NAT10: variants seen among roughly 807,000 people sequenced by gnomAD.
The protein encoded by NAT10 is N-acetyltransferase 10.
A neutral mutation model predicts 132.2 loss-of-function variants in NAT10; 109 were observed. The observed-to-expected ratio is 0.82, with a 90% CI of 0.71 to 0.97. The LOEUF (loss-of-function observed/expected upper bound fraction) is 0.97, where lower values mean the gene tolerates loss of function less well. Among genes scored for constraint, NAT10 ranks in the 50% least tolerant of loss-of-function variants. The pLI is 0.00. For synonymous variants in NAT10, 479 were observed against 478.0 expected, an observed-to-expected ratio of 1.00 and a Z score of -0.03; for missense variants, 1,184 against 1,263.4, an observed-to-expected ratio of 0.94 and a Z score of 0.95.
chr11:34,135,108 G>A, intron 18 of NAT10, 67 bp from the exon 19 acceptor site: 1 of 1,260,094 alleles, frequency 7.9e-7, no homozygotes, highest in Non-Finnish European at 1.2e-6. Flanking sequence ...ATGCAGGGGA[G>A]TCACTGTGGC....
At chr11:34,132,087 C>G (rs778580478) in intron 14 of NAT10, 38 bp from the exon 15 acceptor site, 1 of 1,473,866 alleles carries the variant, frequency 6.8e-7, no homozygotes, top group South Asian at 1.1e-5. Context: ...CTGTCTTCGG[C>G]TATTTGTTTT....
At chr11:34,122,636 T>TGGGGGTAGTGTGCAGGGTTGGGGTCA (rs1851914919) in intron 9 of NAT10, 44 bp downstream of exon 9, 60 of 1,607,094 alleles carry the variant, frequency 3.7e-5, no homozygotes, top group Non-Finnish European at 4.8e-5. Flanking sequence ...CTGGGCTCTG[T>TGGGGGTAGTGTGCAGGGTTGGGGTCA]GGGGGTAGTG....
intron 5 of NAT10, among the ~76,000 whole-genome samples, chr11:34,114,701 T>A (rs1024376135): frequency 8.5e-5 from 13 of 152,332 alleles, no homozygotes; most frequent in African/African-American, 3.1e-4. Context: ...AAGCCCCTGC[T>A]CAGATATCAC....
At chr11:34,127,241 T>G (rs1852012020) in intron 11 of NAT10, among the ~76,000 whole-genome samples, 1 of 152,200 alleles carries the variant, frequency 6.6e-6, no homozygotes, top group Non-Finnish European at 1.5e-5. Flanking sequence ...AAGTGACTTG[T>G]CCAAGGTCAT....
intron 27 of NAT10, 100 bp from the exon 28 acceptor site, chr11:34,143,345 C>A: frequency 9.6e-7 from 1 of 1,044,208 alleles, no homozygotes; most frequent in Non-Finnish European, 1.4e-6. Context: ...GCTTTCATGA[C>A]AGGAAGTGTC....
chr11:34,138,467 G>A (rs1459600767), intron 21 of NAT10, among the ~76,000 whole-genome samples: 1 of 152,224 alleles, frequency 6.6e-6, no homozygotes, highest in East Asian at 1.9e-4. Flanking sequence ...GGTGAGGACT[G>A]CTGGGTGTTG....
At chr11:34,133,281 G>T in intron 16 of NAT10, 139 bp downstream of exon 16, 1 of 687,652 alleles carries the variant, frequency 1.5e-6, no homozygotes, top group Non-Finnish European at 2.6e-6. Flanking sequence ...GGTCTGCTGA[G>T]ACAGGTGACT....
chr11:34,145,964 G>A, intron 28 of NAT10, 120 bp from the exon 29 acceptor site: 1 of 657,910 alleles, frequency 1.5e-6, no homozygotes, highest in Non-Finnish European at 2.6e-6. Context: ...CCAATTGGGT[G>A]GCCTACATCA....
At chr11:34,109,782 A>G (rs1851660894) in intron 3 of NAT10, among the ~76,000 whole-genome samples, 1 of 152,230 alleles carries the variant, frequency 6.6e-6, no homozygotes, top group Non-Finnish European at 1.5e-5. Context: ...TAATGCTCCC[A>G]GCTCAGTTTG....
At chr11:34,106,533 ACTT>A (rs1250604938) in intron 1 of NAT10, among the ~76,000 whole-genome samples, 2 of 151,918 alleles carry the variant, frequency 1.3e-5, no homozygotes, top group Non-Finnish European at 2.9e-5. Context: ...TTGTGGTACT[ACTT>A]CTGGGGCTCC....
rs930475418 is a variant in NAT10 at position 34,112,082 on chromosome 11, G to A, written c.231G>A (p.Gln77=). The A allele has an allele frequency of 1.9e-6, 3 of 1,614,196 alleles. No homozygotes were observed. The highest frequency in any genetic ancestry group is 1.7e-5 in the Admixed American group (1 of 60,022). ...SHRKKRMRQL[Q]KKIKNGTLNI... is the part of the protein sequence containing the mutation. ...GGAAGAAAAGAATGCGACAGCTGCAGAAGAAAATAAAGAATGGAACACTGA... is the reference window on the plus strand; with the variant it reads ...GGAAGAAAAGAATGCGACAGCTGCAAAAGAAAATAAAGAATGGAACACTGA... The change falls in exon 4 of 29, where the codon CAG becomes CAA. Residue 77 remains glutamine, a synonymous_variant. Transcript: ENST00000257829.
At chr11:34,116,015 G>C (rs531614442) in intron 6 of NAT10, 131 bp downstream of exon 6, 2 of 797,966 alleles carry the variant, frequency 2.5e-6, no homozygotes, top group Admixed American at 2.7e-5. Flanking sequence ...TGAGATTCTT[G>C]ACAGCAGCAG....
At chr11:34,117,077 CAT>C (rs968598749) in intron 6 of NAT10, among the ~76,000 whole-genome samples, 4 of 152,174 alleles carry the variant, frequency 2.6e-5, no homozygotes, top group African/African-American at 9.7e-5. Context: ...AGGGTTTGGC[CAT>C]ATATGTCTGG....
Position 34,131,446 on chromosome 11 carries a change from A to G in NAT10, c.1435A>G (p.Lys479Glu). The G allele has an allele frequency of 6.2e-7, 1 of 1,613,768 alleles. No homozygotes were observed. The highest frequency in any genetic ancestry group is 8.5e-7 in the Non-Finnish European group (1 of 1,179,930). ...IRYAPGDAVE[K>E]WLNDLLCLDC... ...ATACGCCCCTGGGGATGCAGTGGAG[A>G]AGTGGCTGAATGACTTGCTGTGCCT... Residue 479 changes from lysine (K) to glutamate (E), a missense_variant, in exon 14 of 29, where the codon AAG (lysine) becomes GAG (glutamate). By Grantham distance (56) the Lys-to-Glu change is moderately conservative (BLOSUM62 1). Coordinates refer to ENST00000257829, the MANE Select transcript of NAT10 (RefSeq NM_024662.3).
At chr11:34,112,426 G>A (rs961984252) in intron 4 of NAT10, among the ~76,000 whole-genome samples, 14 of 152,200 alleles carry the variant, frequency 9.2e-5, no homozygotes, top group African/African-American at 3.1e-4. Context: ...TTTTAAATCA[G>A]CACTTGTCTA....
intron 28 of NAT10, 140 bp downstream of exon 28, chr11:34,143,668 C>T: frequency 1.4e-6 from 1 of 710,382 alleles, no homozygotes. Flanking sequence ...TGAGAGTCCC[C>T]TGGCCATTAC....
chr11:34,134,129 A>C (rs555731305), intron 16 of NAT10, among the ~76,000 whole-genome samples, 190 bp from the exon 17 acceptor site: 4 of 152,144 alleles, frequency 2.6e-5, no homozygotes, highest in East Asian at 3.9e-4. Context: ...GCACCACTGC[A>C]CTCCAGCCTG....
intron 6 of NAT10, 133 bp downstream of exon 6, chr11:34,116,017 C>A: frequency 2.6e-6 from 2 of 780,758 alleles, no homozygotes; most frequent in South Asian, 1.9e-5. Context: ...AGATTCTTGA[C>A]AGCAGCAGCA....
chr11:34,134,575 G>C lies in NAT10; in HGVS notation c.1900G>C (p.Asp634His), dbSNP rs1415657847. ...GRVVRIAVHP[D>H]YQGMGYGSRA... Reference sequence around the variant, plus strand: ...GGTCGTTCGCATTGCTGTTCACCCAGATTATCAAGGGGTAATGTGTCCTCA... The same window carrying C: ...GGTCGTTCGCATTGCTGTTCACCCACATTATCAAGGGGTAATGTGTCCTCA... The change falls in exon 18 of 29, where the codon GAT (aspartate) becomes CAT (histidine). Residue 634 changes from aspartate to histidine, a missense_variant. By Grantham distance (81) the Asp-to-His change is moderately conservative. Transcript: ENST00000257829. The C allele has an allele frequency of 6.2e-7, 1 of 1,614,142 alleles. No individual in the cohort carries two copies. Among genetic ancestry groups the C allele is most frequent in the South Asian group, 1.1e-5 (1 of 91,076 alleles).
Sources: allele counts gnomAD v4.1 joint callset (sites outside exome capture counted in the v4.1 genomes callset), GRCh38; gene constraint gnomAD v4.1.1; transcripts MANE v1.5; gene names NCBI Gene and HGNC (gene_info 2026-07-23, HGNC 2026-07-21).